The following AIMP1 variants were observed in gnomAD, a reference collection of about 807,000 sequenced individuals.
The protein encoded by AIMP1 is aminoacyl tRNA synthase complex-interacting multifunctional protein 1.
Under a neutral mutation model 33.1 loss-of-function variants are expected in AIMP1, and 24 were observed. That is an observed-to-expected ratio of 0.73 (90% CI 0.53 to 1.02). The LOEUF (loss-of-function observed/expected upper bound fraction) is 1.02, where lower values mean the gene tolerates loss of function less well. Ranked by LOEUF, AIMP1 falls within the 50% of genes least tolerant of loss-of-function variation. The pLI is 0.00. For missense variants in AIMP1, 367 were observed against 364.8 expected (o/e 1.01, Z -0.05); for synonymous variants, 120 against 121.5 (o/e 0.99, Z 0.08).
intron 6 of AIMP1, among the ~76,000 whole-genome samples, chr4:106,341,403 T>A (rs1770096194): frequency 6.6e-6 from 1 of 152,198 alleles, no homozygotes; most frequent in Non-Finnish European, 1.5e-5. Context: ...TAGATTTTCT[T>A]CTAGGATTTT....
intron 4 of AIMP1, among the ~76,000 whole-genome samples, chr4:106,329,632 A>G (rs1468448553): frequency 4.6e-5 from 7 of 152,118 alleles, no homozygotes; most frequent in Non-Finnish European, 1.0e-4. Context: ...TAAATAACCT[A>G]TGTGGCTGGC....
chr4:106,324,209 T>G (rs1026903989), intron 1 of AIMP1, among the ~76,000 whole-genome samples: 2 of 152,084 alleles, frequency 1.3e-5, no homozygotes, highest in African/African-American at 4.8e-5. Context: ...TGTTATACCT[T>G]GAATTATAAA....
intron 1 of AIMP1, among the ~76,000 whole-genome samples, chr4:106,320,871 C>G (rs558670185): frequency 6.6e-6 from 1 of 152,118 alleles, no homozygotes; most frequent in Non-Finnish European, 1.5e-5. Flanking sequence ...CTCAGTCTGC[C>G]GAGTTCCTGG....
intron 1 of AIMP1, among the ~76,000 whole-genome samples, chr4:106,317,372 A>G (rs1189914914): frequency 6.6e-6 from 1 of 152,188 alleles, no homozygotes; most frequent in Non-Finnish European, 1.5e-5. Flanking sequence ...GGTCATGAAG[A>G]TCTTGAGGAC....
intron 5 of AIMP1, among the ~76,000 whole-genome samples, chr4:106,334,465 A>C (rs552621308): frequency 6.6e-6 from 1 of 152,004 alleles, no homozygotes; most frequent in African/African-American, 2.4e-5. Flanking sequence ...GGGTTTCACT[A>C]TGTGGGCCAG....
In AIMP1 at chr4:106,327,457, A is replaced by G. The variant is rs1277682959; in HGVS notation, c.116A>G (p.Gln39Arg). ...TGGATGTTCTTGATCCTAGTTTTGC[A>G]GGCAACTTTGAGGGAAGAGAAGAAA... ...VSLLKEKAIL[Q>R]ATLREEKKLR... Residue 39 changes from glutamine (Q) to arginine (R), a missense_variant, in exon 3 of 7, where the codon CAG (glutamine) becomes CGG (arginine). Coordinates refer to ENST00000672341, the MANE Select transcript of AIMP1 (RefSeq NM_001142416.2). 4.3e-6 allele frequency: 7 copies of G among 1,610,072 alleles called. No individual in the cohort carries two copies. The highest frequency in any genetic ancestry group is 5.9e-6 in the Non-Finnish European group (7 of 1,176,952).
intron 4 of AIMP1, among the ~76,000 whole-genome samples, chr4:106,329,841 A>G (rs1392859956): frequency 7.6e-6 from 1 of 132,088 alleles, no homozygotes; most frequent in Non-Finnish European, 1.5e-5. Context: ...GCTGGAATAC[A>G]GTGGCATAAT....
intron 1 of AIMP1, among the ~76,000 whole-genome samples, chr4:106,322,196 A>T (rs1312773840): frequency 6.6e-6 from 1 of 152,042 alleles, no homozygotes; most frequent in Non-Finnish European, 1.5e-5. Context: ...CTTTGTTCAT[A>T]TGTTTATCTG....
chr4:106,346,034 A>AT (rs997921065), intron 6 of AIMP1, among the ~76,000 whole-genome samples: 2 of 151,334 alleles, frequency 1.3e-5, no homozygotes, highest in South Asian at 2.1e-4. Context: ...TACTTCAGCA[A>AT]TTTTTTTTAT....
intron 4 of AIMP1, among the ~76,000 whole-genome samples, chr4:106,329,247 T>C (rs1434061709): frequency 2.6e-5 from 4 of 152,200 alleles, no homozygotes; most frequent in African/African-American, 9.6e-5. Flanking sequence ...TCAGACTAAC[T>C]CTTCTAGTTT....
At chr4:106,337,132 A>C in intron 6 of AIMP1, 95 bp downstream of exon 6, 7 of 1,139,686 alleles carry the variant, frequency 6.1e-6, no homozygotes, top group Non-Finnish European at 9.3e-6. Flanking sequence ...CTGTGTAAGA[A>C]TCATGAGTCT....
chr4:106,316,360 G>C (rs1323813298), upstream of AIMP1: 1 of 609,194 alleles, frequency 1.6e-6, no homozygotes, highest in Admixed American at 2.5e-5. Context: ...GGGGGACGGG[G>C]GGGGTCGATT....
intron 6 of AIMP1, among the ~76,000 whole-genome samples, chr4:106,343,069 C>T (rs1380509336): frequency 6.6e-6 from 1 of 151,910 alleles, no homozygotes; most frequent in African/African-American, 2.4e-5. Context: ...CACACCAGGA[C>T]TTTTTTTAAT....
At chr4:106,343,742 A>C (rs1770189925) in intron 6 of AIMP1, among the ~76,000 whole-genome samples, 1 of 152,238 alleles carries the variant, frequency 6.6e-6, no homozygotes, top group Non-Finnish European at 1.5e-5. Context: ...ACAGTACTAC[A>C]GCTAGGAAAC....
At chr4:106,331,006 A>T (rs73839434) in intron 4 of AIMP1, among the ~76,000 whole-genome samples, 2,760 of 152,304 alleles carry the variant, frequency 0.018, 76 homozygotes, top group African/African-American at 0.061. Context: ...AAATATTCTT[A>T]TCTGCTTAAA....
chr4:106,333,029 CCTG>C (rs1475662250), intron 5 of AIMP1, among the ~76,000 whole-genome samples: 2 of 151,686 alleles, frequency 1.3e-5, no homozygotes, highest in Non-Finnish European at 2.9e-5. Context: ...TTCCCAACCC[CCTG>C]CTATTTTCTT....
intron 2 of AIMP1, among the ~76,000 whole-genome samples, chr4:106,325,368 A>G (rs1769419115): frequency 6.6e-6 from 1 of 152,058 alleles, no homozygotes. Context: ...TGTCACTAGT[A>G]GAAATAAATG....
chr4:106,316,826 A>C (rs1768935829), intron 1 of AIMP1: 1 of 495,218 alleles, frequency 2.0e-6, no homozygotes, highest in Non-Finnish European at 3.6e-6. Context: ...AATGCTACAG[A>C]AAAATATCGA....
At chr4:106,332,826 T>C (rs1180648029) in intron 5 of AIMP1, among the ~76,000 whole-genome samples, 1 of 151,992 alleles carries the variant, frequency 6.6e-6, no homozygotes, top group Non-Finnish European at 1.5e-5. Context: ...CTACAGGTGC[T>C]ATGTAGTTTT....
Sources: gnomAD v4.1 joint callset for allele counts (sites outside exome capture counted in the v4.1 genomes callset) on GRCh38, gnomAD v4.1.1 for gene constraint, MANE v1.5 for transcripts, NCBI Gene and HGNC (gene_info 2026-07-23, HGNC 2026-07-21) for gene names.